The following NTRK1 variants were observed in gnomAD, a reference collection of about 807,000 sequenced individuals.
NTRK1 encodes neurotrophic receptor tyrosine kinase 1, also known as high affinity nerve growth factor receptor.
In NTRK1, 62 loss-of-function variants were observed where a neutral mutation model predicts 86.8. The ratio of observed to expected loss-of-function variants is 0.71; its 90% CI spans 0.58 to 0.88. The LOEUF (loss-of-function observed/expected upper bound fraction) is 0.88. Among genes scored for constraint, NTRK1 ranks in the 40% least tolerant of loss-of-function variants. The pLI is 0.00. For missense variants in NTRK1, 967 were observed against 1,078.4 expected (o/e 0.90, Z 1.45); for synonymous variants, 469 against 456.6 (o/e 1.03, Z -0.35).
intron 1 of NTRK1, among the ~76,000 whole-genome samples, chr1:156,861,394 G>A (rs1655646568): frequency 1.3e-5 from 2 of 152,126 alleles, no homozygotes; most frequent in African/African-American, 4.8e-5. Flanking sequence ...GGAGATCGAA[G>A]GGGGAAATCT....
At chr1:156,853,634 T>G in intron 2 of NTRK1, 1 of 1,020,588 alleles carries the variant, frequency 9.8e-7, no homozygotes, top group Non-Finnish European at 1.4e-6. Flanking sequence ...ATAGGATGAG[T>G]GAGGATTAAA....
intron 1 of NTRK1, chr1:156,840,587 G>A (rs889599336): frequency 1.0e-5 from 5 of 479,220 alleles, no homozygotes; most frequent in African/African-American, 7.8e-5. Context: ...CCTAGTCTGA[G>A]TGGGGTCCCT....
At chr1:156,861,551 G>T (rs1358449657) in intron 1 of NTRK1, among the ~76,000 whole-genome samples, 2 of 152,152 alleles carry the variant, frequency 1.3e-5, no homozygotes, top group Non-Finnish European at 2.9e-5. Context: ...TCCTTTTCTA[G>T]GGGCAAGCCA....
intron 4 of NTRK1, among the ~76,000 whole-genome samples, chr1:156,867,232 C>T (rs529662264): frequency 7.3e-4 from 111 of 152,358 alleles, no homozygotes; most frequent in African/African-American, 2.5e-3. Flanking sequence ...ATTACAGGCC[C>T]ACTGTGTGTC....
chr1:156,854,187 A>C lies in NTRK1; in HGVS notation c.51-10167A>C. 1 of 1,614,108 alleles carries C rather than the reference A, an allele frequency of 6.2e-7. No individual in the cohort carries two copies. Among genetic ancestry groups the C allele is most frequent in the Non-Finnish European group, 8.5e-7 (1 of 1,180,022 alleles). On this transcript the variant is annotated intron_variant, in intron 2 of 16. Coordinates refer to the NTRK1 transcript ENST00000392302. The surrounding 1 kb of genome is among the most constrained non-coding windows in gnomAD (Gnocchi z 4.2). ...AGGCGAGGGAAGCTGAGGCCGCGGA[A>C]GTCCTCCCCGGTGGCTGTGAACATG... is the stretch of plus-strand genomic sequence containing the variant.
At chr1:156,843,292 C>T (rs530806347) in intron 2 of NTRK1, 1 of 1,576,478 alleles carries the variant, frequency 6.3e-7, no homozygotes. Flanking sequence ...ACCTCACCCC[C>T]CAACTTCTCT....
chr1:156,845,476 G>C, intron 2 of NTRK1: 1 of 1,515,050 alleles, frequency 6.6e-7, no homozygotes, highest in Non-Finnish European at 8.8e-7. Flanking sequence ...CCTCTGCAGC[G>C]CGTACCGCCT....
intron 1 of NTRK1, among the ~76,000 whole-genome samples, chr1:156,838,055 C>G (rs1451050320): frequency 6.6e-6 from 1 of 152,124 alleles, no homozygotes; most frequent in Non-Finnish European, 1.5e-5. Context: ...TAACTGTGAG[C>G]CTAGAGGAAG....
At chr1:156,877,139 G>A (rs1419224581) in intron 14 of NTRK1, among the ~76,000 whole-genome samples, 2 of 152,122 alleles carry the variant, frequency 1.3e-5, no homozygotes, top group Non-Finnish European at 2.9e-5. Flanking sequence ...TCCCGCCTTA[G>A]CCTCCCCAGT....
intron 1 of NTRK1, among the ~76,000 whole-genome samples, chr1:156,828,417 A>T (rs935518691): frequency 6.6e-6 from 1 of 152,216 alleles, no homozygotes; most frequent in Admixed American, 6.5e-5. Flanking sequence ...AGGAAAAAAA[A>T]AGCAAAGAAA....
intron 1 of NTRK1, among the ~76,000 whole-genome samples, chr1:156,838,204 G>A (rs1425466531): frequency 6.6e-6 from 1 of 151,966 alleles, no homozygotes; most frequent in Admixed American, 6.6e-5. Context: ...CCCCCACAAA[G>A]ATGCATCAGT....
intron 14 of NTRK1, among the ~76,000 whole-genome samples, chr1:156,878,868 C>T (rs2102923287): frequency 1.3e-5 from 2 of 151,996 alleles, no homozygotes; most frequent in South Asian, 4.2e-4. Flanking sequence ...ATCTGGAGTT[C>T]AAGGAGCTGC....
intron 1 of NTRK1, among the ~76,000 whole-genome samples, chr1:156,819,828 T>A (rs1168625276): frequency 6.6e-6 from 1 of 152,224 alleles, no homozygotes; most frequent in Admixed American, 6.5e-5. Flanking sequence ...CTATTTGTTT[T>A]TTTCTTCCTG....
At chr1:156,818,979 A>G (rs1299013674) in intron 1 of NTRK1, among the ~76,000 whole-genome samples, 1 of 151,988 alleles carries the variant, frequency 6.6e-6, no homozygotes, top group Admixed American at 6.6e-5. Context: ...ATCCATGCCA[A>G]CATCTATTTG....
intron 6 of NTRK1, among the ~76,000 whole-genome samples, chr1:156,871,385 G>A (rs112389595): frequency 4.6e-5 from 7 of 151,936 alleles, no homozygotes; most frequent in African/African-American, 1.7e-4. Flanking sequence ...AGACCCCGTC[G>A]CTACAAAAAT....
At chr1:156,865,995 A>T (rs959318178) in intron 3 of NTRK1, among the ~76,000 whole-genome samples, 1 of 152,244 alleles carries the variant, frequency 6.6e-6, no homozygotes, top group Non-Finnish European at 1.5e-5. Flanking sequence ...CTTCACAATC[A>T]ACCTGGTGAG....
chr1:156,881,249 T>C (rs2768758), intron 16 of NTRK1, among the ~76,000 whole-genome samples: 1 of 152,194 alleles, frequency 6.6e-6, no homozygotes, highest in Non-Finnish European at 1.5e-5. Flanking sequence ...AAGCTTCCCA[T>C]AGTCGAGCCT....
At chr1:156,838,179 A>G (rs1259626999) in intron 1 of NTRK1, among the ~76,000 whole-genome samples, 2 of 151,640 alleles carry the variant, frequency 1.3e-5, no homozygotes, top group Non-Finnish European at 2.9e-5. Flanking sequence ...AGAGAACTCC[A>G]ACCTGTTCTC....
At chr1:156,864,026 C>T (rs1342477718) in intron 1 of NTRK1, among the ~76,000 whole-genome samples, 1 of 152,094 alleles carries the variant, frequency 6.6e-6, no homozygotes, top group Non-Finnish European at 1.5e-5. Context: ...ATGCTTATGC[C>T]TCTGTGTGTG....
Sources: gnomAD v4.1 joint callset for allele counts (sites outside exome capture counted in the v4.1 genomes callset) on GRCh38, gnomAD v4.1.1 for gene constraint, Gnocchi (gnomAD v3.1) non-coding constraint, MANE v1.5 for transcripts, NCBI Gene and HGNC (gene_info 2026-07-23, HGNC 2026-07-21) for gene names.